Variants in FBXO3 observed in about 807,000 individuals in gnomAD.
FBXO3 encodes the protein F-box only protein 3.
FBXO3 carries 17 observed loss-of-function variants against 64.8 expected under a neutral mutation model. The observed-to-expected ratio is 0.26, with a 90% confidence interval of 0.18 to 0.39. FBXO3 has a LOEUF of 0.39. Ranked by LOEUF, FBXO3 falls within the 10% of genes least tolerant of loss-of-function variation. The pLI is 1.00. For missense variants in FBXO3, 420 were observed against 589.9 expected (o/e 0.71, Z 2.98); for synonymous variants, 182 against 201.6 (o/e 0.90, Z 0.82).
At chr11:33,751,649 G>T in intron 6 of FBXO3, 42 bp from the exon 7 acceptor site, 1 of 1,241,524 alleles carries the variant, frequency 8.1e-7, no homozygotes, top group Non-Finnish European at 1.1e-6. Flanking sequence ...AGAACAAATA[G>T]TTTTGTAAAA....
intron 10 of FBXO3, chr11:33,744,652 A>T (rs1385224092): frequency 1.3e-5 from 2 of 152,216 alleles, no homozygotes; most frequent in Non-Finnish European, 2.9e-5. Flanking sequence ...TTTATTTCTC[A>T]TCCTTGAGAG....
chr11:33,754,439 C>CT lies in FBXO3; in HGVS notation c.724+15dup, dbSNP rs1378508020. ...GAAGAAGAAGAAGGGGGAAAAAAGA[C>CT]TTTTTTCTTTCCTACCTATAATAAA... is the stretch of plus-strand genomic sequence containing the variant. On this transcript the variant is annotated intron_variant, in intron 6 of 10. Transcript: ENST00000265651. 1.9e-6 allele frequency: 3 copies of CT among 1,565,810 alleles called. No individual in the cohort carries two copies. The highest frequency in any genetic ancestry group is 4.6e-5 in the East Asian group (2 of 43,336).
At chr11:33,771,591 T>C (rs1233249073) in intron 1 of FBXO3, 1 of 152,258 alleles carries the variant, frequency 6.6e-6, no homozygotes, top group Non-Finnish European at 1.5e-5. Context: ...TAATTGAAAG[T>C]AGGTATTCAA....
At chr11:33,754,404 T>C in intron 6 of FBXO3, 51 bp downstream of exon 6, 2 of 1,461,744 alleles carry the variant, frequency 1.4e-6, no homozygotes, top group Non-Finnish European at 1.8e-6. Context: ...AATTTTTTTA[T>C]TATATCCAGG....
chr11:33,756,903 A>AT (rs953726769), intron 4 of FBXO3: 2 of 429,948 alleles, frequency 4.7e-6, no homozygotes, highest in African/African-American at 4.1e-5. Flanking sequence ...TTTTAACTTA[A>AT]TTTTTTATAG....
intron 4 of FBXO3, among the ~76,000 whole-genome samples, chr11:33,757,660 A>AAAAAAAAAAAAAAAAAC (rs1855138842): frequency 8.0e-6 from 1 of 125,530 alleles, no homozygotes; most frequent in Non-Finnish European, 1.8e-5. Context: ...ATCTCTTAAA[A>AAAAAAAAAAAAAAAAAC]AAAAAAAAAA....
At chr11:33,766,974 CAAAATTCATGCACCA>C (rs1855386421) in intron 3 of FBXO3, among the ~76,000 whole-genome samples, 1 of 121,832 alleles carries the variant, frequency 8.2e-6, no homozygotes, top group Admixed American at 8.6e-5. Flanking sequence ...CTGGAACTAC[CAAAATTCATGCACCA>C]AAAAAAAAAA....
chr11:33,773,717 G>C (rs1452170728), intron 1 of FBXO3: 2 of 152,354 alleles, frequency 1.3e-5, no homozygotes, highest in Non-Finnish European at 2.9e-5. Context: ...ACAGATGCTA[G>C]TAATGTGGGA....
chr11:33,770,719 T>C, intron 2 of FBXO3, 22 bp downstream of exon 2: 3 of 1,592,256 alleles, frequency 1.9e-6, no homozygotes, highest in Non-Finnish European at 2.6e-6. Flanking sequence ...TTTTCAGAAG[T>C]ACATATTCCT....
Position 33,754,467 on chromosome 11 carries a change from T to A in FBXO3, c.712A>T (p.Met238Leu), listed in dbSNP as rs1299800881. Residue 238 changes from methionine (M) to leucine (L), a missense_variant, in exon 6 of 11, where the codon ATG becomes TTG. Physicochemically the swap from Met to Leu is conservative, Grantham distance 15 (BLOSUM62 2). Around this residue, in one of 3 missense-constraint regions of FBXO3, gnomAD observed 337 missense variants for 518.4 expected, o/e 0.65. Transcript: ENST00000265651. ...QMARNPAAID[M>L]FIIGATFTDW... ...TTTTCTTTCCTACCTATAATAAACA[T>A]GTCAATAGCAGCTGGATTTCGAGCC... is the stretch of plus-strand genomic sequence containing the variant. The A allele has an allele frequency of 1.1e-5, 18 of 1,585,766 alleles. No homozygotes were observed. Among genetic ancestry groups the A allele is most frequent in the Non-Finnish European group, 1.5e-5 (18 of 1,167,470 alleles).
chr11:33,747,077 G>T, intron 10 of FBXO3, 53 bp downstream of exon 10: 1 of 1,600,822 alleles, frequency 6.2e-7, no homozygotes. Context: ...CTTATCTGCA[G>T]TGTTAACCCT....
chr11:33,767,087 G>C (rs1855391569), intron 3 of FBXO3, among the ~76,000 whole-genome samples: 1 of 151,414 alleles, frequency 6.6e-6, no homozygotes, highest in African/African-American at 2.4e-5. Context: ...CTGAGCCTAA[G>C]AGCAGAACCA....
chr11:33,742,161 T>C lies in FBXO3; in HGVS notation c.1240-77A>G, dbSNP rs1437056658. 5.9e-6 allele frequency: 8 copies of C among 1,363,202 alleles called. No individual in the cohort carries two copies. The Admixed American group carries it at 2.2e-4, about 38-fold the overall frequency. 84.4% of individuals were successfully genotyped at this position (1,363,202 alleles called of 1,614,324 possible). On this transcript the variant is annotated intron_variant, in intron 10 of 10. Coordinates refer to ENST00000265651, the MANE Select transcript of FBXO3 (RefSeq NM_012175.4). ...GTTATTTCATGTAAATTCTCATTTATCTAGAATTCAAACAACCAGACACGC... is the reference window on the plus strand; with the variant it reads ...GTTATTTCATGTAAATTCTCATTTACCTAGAATTCAAACAACCAGACACGC...
At chr11:33,774,230 C>T in intron 1 of FBXO3, 164 bp downstream of exon 1, 1 of 613,354 alleles carries the variant, frequency 1.6e-6, no homozygotes, top group Non-Finnish European at 2.8e-6. Flanking sequence ...CCGCCCCCGT[C>T]TCGCCCCGGT....
In FBXO3 at chr11:33,774,491, C is replaced by T. The variant is rs1056598539; in HGVS notation, c.7G>A (p.Ala3Thr). 3.2e-6 allele frequency: 5 copies of T among 1,563,162 alleles called. No homozygotes were observed. Among genetic ancestry groups the T allele is most frequent in the Non-Finnish European group, 4.3e-6 (5 of 1,155,952 alleles). The change falls in exon 1 of 11, where the codon GCC becomes ACC. Residue 3 changes from alanine to threonine, a missense_variant. Ala to Thr is a moderately conservative substitution (Grantham distance 58, BLOSUM62 0). Coordinates refer to ENST00000265651, the MANE Select transcript of FBXO3 (RefSeq NM_012175.4). ...AGCGGCGCCGTCTCGGTCTCCATGG[C>T]CGCCATCTTGCCTGGCCCGGTGCAG... MAAMETETAPLTL... is the reference protein window; with the variant it reads MATMETETAPLTL...
chr11:33,747,217 A>C lies in FBXO3; in HGVS notation c.1152T>G (p.Phe384Leu). 6.2e-7 allele frequency: 1 copy of C among 1,612,278 alleles called. No homozygotes were observed. Among genetic ancestry groups the C allele is most frequent in the East Asian group, 2.2e-5 (1 of 44,866 alleles). Residue 384 changes from phenylalanine to leucine, a missense_variant, in exon 10 of 11, where the codon TTT (phenylalanine) becomes TTG (leucine). Phe to Leu is a conservative substitution (Grantham distance 22, BLOSUM62 0). Coordinates refer to ENST00000265651, the MANE Select transcript of FBXO3 (RefSeq NM_012175.4). Reference protein sequence around the residue: ...GYMEGYYTFHFLYFKDKIFNV... With the variant: ...GYMEGYYTFHLLYFKDKIFNV... ...TAAAGATCTTGTCTTTAAAGTAAAG[A>C]AAATGGAAGGTATAATATCCTTCCA...
intron 3 of FBXO3, among the ~76,000 whole-genome samples, chr11:33,760,443 G>C (rs1325710420): frequency 2.0e-5 from 3 of 151,794 alleles, no homozygotes; most frequent in Admixed American, 2.0e-4. Flanking sequence ...AGGAGTTCGA[G>C]ACCAGCCTGG....
intron 3 of FBXO3, among the ~76,000 whole-genome samples, chr11:33,766,732 G>A (rs1855379800): frequency 6.6e-6 from 1 of 152,126 alleles, no homozygotes; most frequent in South Asian, 2.1e-4. Context: ...CTATAACCTT[G>A]CAATTGAATC....
intron 6 of FBXO3, 152 bp downstream of exon 6, chr11:33,754,303 G>A: frequency 1.8e-6 from 1 of 568,314 alleles, no homozygotes; most frequent in Non-Finnish European, 3.0e-6. Flanking sequence ...TGAAAACCTA[G>A]ATGCAGTACT....
Sources: gnomAD v4.1 joint callset for allele counts (sites outside exome capture counted in the v4.1 genomes callset) on GRCh38, gnomAD v4.1.1 for gene constraint, gnomAD v4.1.1 regional missense constraint, MANE v1.5 for transcripts, NCBI Gene and HGNC (gene_info 2026-07-23, HGNC 2026-07-21) for gene names.